ZNF516: variants seen among roughly 807,000 people sequenced by gnomAD.
ZNF516 encodes zinc finger protein 516.
In ZNF516, 19 loss-of-function variants were observed where a neutral mutation model predicts 79.7. The observed-to-expected ratio is 0.24, with a 90% confidence interval of 0.17 to 0.35. The LOEUF (loss-of-function observed/expected upper bound fraction) is 0.35. Among genes scored for constraint, ZNF516 ranks in the 10% least tolerant of loss-of-function variants. ZNF516 has a pLI of 1.00. For synonymous variants in ZNF516, 877 were observed against 739.5 expected, an observed-to-expected ratio of 1.19 and a Z score of -3.02; for missense variants, 1,678 against 1,679.5, an observed-to-expected ratio of 1.00 and a Z score of 0.02.
intron 2 of ZNF516, among the ~76,000 whole-genome samples, chr18:76,446,565 G>A (rs752908788): frequency 7.9e-5 from 12 of 152,128 alleles, no homozygotes; most frequent in East Asian, 1.9e-4. Context: ...TTGACTCCCC[G>A]GTACCCCCGC....
intron 3 of ZNF516, among the ~76,000 whole-genome samples, chr18:76,436,621 A>T (rs2075740688): frequency 6.6e-6 from 1 of 152,094 alleles, no homozygotes; most frequent in South Asian, 2.1e-4. Flanking sequence ...CTCCTGCTCT[A>T]CCTTGAAGAA....
Position 76,380,172 on chromosome 18 carries a change from C to A in ZNF516, c.1942G>T (p.Ala648Ser), listed in dbSNP as rs1208751906. The change falls in exon 4 of 7, where the codon GCT (alanine) becomes TCT (serine). Residue 648 changes from alanine to serine, a missense_variant. Ala to Ser is a moderately conservative substitution (Grantham distance 99). Coordinates refer to ENST00000443185, the MANE Select transcript of ZNF516 (RefSeq NM_014643.4). ...CTGTTTTCAAGTATGGACACAGAAG[C>A]TGCGATCCCTGCCTTGGACTCGCCG... Reference protein sequence around the residue: ...DTGESKAGIAASVSILENSSR... With the variant: ...DTGESKAGIASSVSILENSSR... The A allele has an allele frequency of 6.2e-7, 1 of 1,613,864 alleles. No individual in the cohort carries two copies. Among genetic ancestry groups the A allele is most frequent in the African/African-American group, 1.3e-5 (1 of 74,912 alleles).
At chr18:76,484,967 C>T (rs994700982) in intron 1 of ZNF516, among the ~76,000 whole-genome samples, 10 of 152,162 alleles carry the variant, frequency 6.6e-5, no homozygotes, top group African/African-American at 2.4e-4. Context: ...AACCACTAAT[C>T]GCATGACTCT....
At chr18:76,422,617 A>G (rs17059348) in intron 3 of ZNF516, among the ~76,000 whole-genome samples, 6,529 of 152,256 alleles carry the variant, frequency 0.043, 248 homozygotes, top group African/African-American at 0.1. Flanking sequence ...GAAAGGGGTT[A>G]TGAAGCAGAC....
chr18:76,456,875 C>T (rs1227404452), intron 2 of ZNF516, among the ~76,000 whole-genome samples: 1 of 152,184 alleles, frequency 6.6e-6, no homozygotes, highest in East Asian at 1.9e-4. Flanking sequence ...TTTACGTTTA[C>T]TCTGAGTTTT....
Position 76,442,134 on chromosome 18 carries a change from C to A in ZNF516, c.921G>T (p.Arg307Ser). Residue 307 changes from arginine (R) to serine (S), a missense_variant, in exon 3 of 7, where the codon AGG (arginine) becomes AGT (serine). Coordinates refer to ENST00000443185, the MANE Select transcript of ZNF516 (RefSeq NM_014643.4). ...CGATGGGGTCCAGCTCACTCTTGGG[C>A]CTGTTCTTGCTGCCCGTCTTGGGGC... ...AHGPKTGSKN[R>S]PKSELDPIAT... 8 of 1,613,974 alleles carry A rather than the reference C, an allele frequency of 5.0e-6. No individual in the cohort carries two copies. The highest frequency in any genetic ancestry group is 2.2e-5 in the East Asian group (1 of 44,876).
At chr18:76,397,375 GA>G (rs146856854) in intron 3 of ZNF516, among the ~76,000 whole-genome samples, 5 of 150,764 alleles carry the variant, frequency 3.3e-5, no homozygotes, top group African/African-American at 4.9e-5. Context: ...CAAAAAAAAA[GA>G]AAAAAAAATC....
At chr18:76,458,070 G>A (rs910970683) in intron 2 of ZNF516, among the ~76,000 whole-genome samples, 3 of 152,308 alleles carry the variant, frequency 2.0e-5, no homozygotes, top group Non-Finnish European at 2.9e-5. Flanking sequence ...AATACGCAGA[G>A]GGCCATTTTT....
rs1322741271 is a variant in ZNF516, at chr18:76,380,180, C to T, written c.1934G>A (p.Gly645Glu). Residue 645 changes from glycine (G) to glutamate (E), a missense_variant, in exon 4 of 7, where the codon GGG (glycine) becomes GAG (glutamate). Transcript: ENST00000443185. ...AAGTATGGACACAGAAGCTGCGATC[C>T]CTGCCTTGGACTCGCCGGTGTCTCT... The part of the protein sequence containing the change: ...SERDTGESKA[G>E]IAASVSILEN... 2 of 1,613,840 alleles carry T rather than the reference C, an allele frequency of 1.2e-6. No individual in the cohort carries two copies. Among genetic ancestry groups the T allele is most frequent in the South Asian group, 1.1e-5 (1 of 91,076 alleles).
chr18:76,487,480 A>G (rs1382260762), intron 1 of ZNF516, among the ~76,000 whole-genome samples: 1 of 152,236 alleles, frequency 6.6e-6, no homozygotes, highest in African/African-American at 2.4e-5. Context: ...AGTTAGAAAA[A>G]TTAATTTTAA....
At chr18:76,417,364 G>C (rs1366020621) in intron 3 of ZNF516, among the ~76,000 whole-genome samples, 2 of 152,208 alleles carry the variant, frequency 1.3e-5, no homozygotes, top group Non-Finnish European at 2.9e-5. Flanking sequence ...ACACCGCCAG[G>C]AATCTTGAGA....
chr18:76,438,290 TATGTCTCCTTGCA>T (rs2075770892), intron 3 of ZNF516, among the ~76,000 whole-genome samples: 1 of 152,256 alleles, frequency 6.6e-6, no homozygotes, highest in African/African-American at 2.4e-5. Flanking sequence ...TGAAGGTTTG[TATGTCTCCTTGCA>T]AAGCAATATT....
intron 6 of ZNF516, among the ~76,000 whole-genome samples, chr18:76,362,881 G>A (rs1459103281): frequency 2.0e-5 from 3 of 152,236 alleles, no homozygotes; most frequent in African/African-American, 7.2e-5. Flanking sequence ...GTCTGAACCA[G>A]CTCTGGAGAG....
chr18:76,418,240 C>G (rs1568274831), intron 3 of ZNF516, among the ~76,000 whole-genome samples: 1 of 152,134 alleles, frequency 6.6e-6, no homozygotes, highest in East Asian at 1.9e-4. Flanking sequence ...CGCTATCACA[C>G]TATAACACAC....
At chr18:76,362,825 T>C (rs2074558507) in intron 6 of ZNF516, among the ~76,000 whole-genome samples, 2 of 152,182 alleles carry the variant, frequency 1.3e-5, no homozygotes, top group African/African-American at 4.8e-5. Context: ...GAAAGGATCA[T>C]TAGGCTTCTC....
chr18:76,456,103 G>C (rs1365017484), intron 2 of ZNF516, among the ~76,000 whole-genome samples: 1 of 152,186 alleles, frequency 6.6e-6, no homozygotes, highest in African/African-American at 2.4e-5. Context: ...TGTCACTCCA[G>C]ATAAAGACAG....
At position 76,441,617 on chromosome 18, in the gene ZNF516, G is replaced by A. The variant is rs2075823880; in HGVS notation, c.1438C>T (p.Arg480Cys). ...APAAQGPPRK[R>C]ASGPGDPAPA... ...GCGGGGTCCCCAGGCCCGCTCGCGC[G>A]CTTCCGCGGGGGCCCCTGCGCGGCT... is the stretch of plus-strand genomic sequence containing the variant. The change falls in exon 3 of 7, where the codon CGC (arginine) becomes TGC (cysteine). Residue 480 changes from arginine to cysteine, a missense_variant. Arg to Cys is a radical substitution (Grantham distance 180, BLOSUM62 -3). Coordinates refer to ENST00000443185, the MANE Select transcript of ZNF516 (RefSeq NM_014643.4). The A allele has an allele frequency of 1.3e-6, 2 of 1,495,494 alleles. No homozygotes were observed. The allele number at this position is 1,495,494 out of a possible 1,614,324, so 92.6% of individuals were successfully genotyped here. A position where few individuals can be genotyped will look rare whatever the true frequency, so the allele number is the denominator to read the frequency against.
rs2074702058 is a variant in ZNF516 at position 76,371,408 on chromosome 18, A to T, written c.3364+59T>A. 6.0e-6 allele frequency: 9 copies of T among 1,495,926 alleles called. No homozygotes were observed. In the African/African-American group the frequency reaches 8.2e-5, roughly 14 times the overall value. 92.7% of individuals were successfully genotyped at this position (1,495,926 alleles called of 1,614,324 possible). On this transcript the variant is annotated intron_variant, in intron 5 of 6. Coordinates refer to ENST00000443185, the MANE Select transcript of ZNF516 (RefSeq NM_014643.4). ...CTCGCTGCGGATGGTCAAGCCACTG[A>T]CAGAAGAGACCCCTCTTCCTCTGCT...
At chr18:76,416,604 T>C (rs906551641) in intron 3 of ZNF516, among the ~76,000 whole-genome samples, 1 of 152,226 alleles carries the variant, frequency 6.6e-6, no homozygotes, top group African/African-American at 2.4e-5. Flanking sequence ...AAACCAATAG[T>C]TCCTAGTTTA....
Sources: allele counts gnomAD v4.1 joint callset (sites outside exome capture counted in the v4.1 genomes callset), GRCh38; gene constraint gnomAD v4.1.1; transcripts MANE v1.5; gene names NCBI Gene and HGNC (gene_info 2026-07-23, HGNC 2026-07-21).